Variants in FMO1 observed in about 807,000 individuals in gnomAD.
The protein encoded by FMO1 is flavin containing dimethylaniline monoxygenase 1, also known as flavin-containing monooxygenase 1.
In FMO1, 36 loss-of-function variants were observed where a neutral mutation model predicts 45.4. That is an observed-to-expected ratio of 0.79 (90% CI 0.61 to 1.05). The LOEUF is 1.05. FMO1 is among the 50% of genes least tolerant of loss of function. The pLI is 0.00. For synonymous variants in FMO1, 228 were observed against 227.2 expected, an observed-to-expected ratio of 1.00 and a Z score of -0.03; for missense variants, 615 against 640.3, an observed-to-expected ratio of 0.96 and a Z score of 0.43.
chr1:171,272,877 A>G (rs1442957946), intron 3 of FMO1, among the ~76,000 whole-genome samples: 1 of 152,164 alleles, frequency 6.6e-6, no homozygotes, highest in Non-Finnish European at 1.5e-5. Context: ...TTTTGAGTTA[A>G]TGCTGAAATG....
intron 1 of FMO1, among the ~76,000 whole-genome samples, chr1:171,251,120 TA>T (rs1403552970): frequency 7.9e-5 from 12 of 152,340 alleles, no homozygotes; most frequent in Non-Finnish European, 1.3e-4. Context: ...ATCTTAAAAC[TA>T]ACCTTTGATG....
intron 4 of FMO1, among the ~76,000 whole-genome samples, chr1:171,276,138 T>C (rs1661098052): frequency 6.6e-6 from 1 of 152,206 alleles, no homozygotes; most frequent in Admixed American, 6.5e-5. Flanking sequence ...GTTTGGTTTA[T>C]TTCATCTGTA....
In FMO1 at chr1:171,280,944, C is replaced by T; in HGVS notation, c.786C>T (p.Asn262=). 6.2e-7 allele frequency: 1 copy of T among 1,613,872 alleles called. No individual in the cohort carries two copies. Among genetic ancestry groups the T allele is most frequent in the South Asian group, 1.1e-5 (1 of 91,084 alleles). ...GGTTGATGGAGCGAAAGATAAACAACTGGCTCAATCATGCAAATTACGGCT... is the reference window on the plus strand; with the variant it reads ...GGTTGATGGAGCGAAAGATAAACAATTGGCTCAATCATGCAAATTACGGCT... ...VTWLMERKIN[N]WLNHANYGLI... is the part of the protein sequence containing the mutation. Residue 262 remains asparagine (N), a synonymous_variant, in exon 6 of 9, where the codon AAC becomes AAT. Transcript: ENST00000617670.
At position 171,285,234 on chromosome 1, in the gene FMO1, C is replaced by G; in HGVS notation, c.1289C>G (p.Ser430Ter). Reference protein sequence around the residue: ...FGLCYCKALQSDYITYIDELL... With the variant: ...FGLCYCKALQ The stretch of plus-strand genomic sequence containing the variant: ...TTGTGCTACTGCAAGGCTTTACAAT[C>G]AGATTATATCACATACATAGATGAA... Residue 430 changes from serine to a stop codon, truncating the protein, a stop_gained, in exon 9 of 9, where the codon TCA becomes TGA. Coordinates refer to ENST00000617670, the MANE Select transcript of FMO1 (RefSeq NM_001282693.2). LOFTEE classifies it low-confidence loss of function (END_TRUNC). 2 of 1,609,050 alleles carry G rather than the reference C, an allele frequency of 1.2e-6. No homozygotes were observed. Among genetic ancestry groups the G allele is most frequent in the South Asian group, 2.2e-5 (2 of 89,950 alleles).
chr1:171,257,781 A>C (rs957958226), intron 1 of FMO1: 8 of 379,364 alleles, frequency 2.1e-5, no homozygotes, highest in Non-Finnish European at 1.0e-5. Context: ...GCTCAGTCTG[A>C]AGTGCAAGAC....
At position 171,280,920 on chromosome 1, in the gene FMO1, G is replaced by C; in HGVS notation, c.762G>C (p.Trp254Cys). ...RNSLPTPIVT[W>C]LMERKINNWL... Reference sequence around the variant, plus strand: ...CCCTCCCAACCCCAATTGTGACTTGGTTGATGGAGCGAAAGATAAACAACT... The same window carrying C: ...CCCTCCCAACCCCAATTGTGACTTGCTTGATGGAGCGAAAGATAAACAACT... Residue 254 changes from tryptophan to cysteine, a missense_variant, in exon 6 of 9, where the codon TGG (tryptophan) becomes TGC (cysteine). Coordinates refer to ENST00000617670, the MANE Select transcript of FMO1 (RefSeq NM_001282693.2). The C allele has an allele frequency of 6.2e-7, 1 of 1,613,942 alleles. No homozygotes were observed. Among genetic ancestry groups the C allele is most frequent in the Non-Finnish European group, 8.5e-7 (1 of 1,179,880 alleles).
At chr1:171,279,086 T>C (rs1661246141) in intron 5 of FMO1, among the ~76,000 whole-genome samples, 1 of 143,498 alleles carries the variant, frequency 7.0e-6, no homozygotes, top group South Asian at 2.2e-4. Flanking sequence ...TGACTTCTTT[T>C]TACTTTTTTT....
At chr1:171,282,445 T>TA (rs1661399787) in intron 7 of FMO1, 112 bp downstream of exon 7, 1 of 706,154 alleles carries the variant, frequency 1.4e-6, no homozygotes, top group African/African-American at 1.8e-5. Context: ...ACAGAATCTT[T>TA]AAAAGCAGGA....
At chr1:171,278,279 A>G (rs184570979) in intron 4 of FMO1, among the ~76,000 whole-genome samples, 6 of 152,320 alleles carry the variant, frequency 3.9e-5, no homozygotes, top group Admixed American at 3.9e-4. Flanking sequence ...CTAGCACAGT[A>G]CCAGGCACAA....
intron 2 of FMO1, among the ~76,000 whole-genome samples, chr1:171,266,287 T>C (rs1301319132): frequency 2.0e-5 from 3 of 152,206 alleles, no homozygotes; most frequent in Admixed American, 6.5e-5. Flanking sequence ...ATTATTGCTA[T>C]AAAAGTTTCT....
chr1:171,281,968 T>G lies in FMO1; in HGVS notation c.828-10T>G. ...TGACAAGTCTCCTCCCTGTTCATGT[T>G]TTTGTTTAGGACTCAGCTGAAAGAG... On this transcript the variant is annotated splice_polypyrimidine_tract_variant and intron_variant, in intron 6 of 8. Coordinates refer to ENST00000617670, the MANE Select transcript of FMO1 (RefSeq NM_001282693.2). The G allele has an allele frequency of 6.4e-7, 1 of 1,558,766 alleles. No individual in the cohort carries two copies. Among genetic ancestry groups the G allele is most frequent in the Non-Finnish European group, 8.7e-7 (1 of 1,144,748 alleles).
chr1:171,265,891 G>GT (rs1232779656), intron 2 of FMO1, among the ~76,000 whole-genome samples: 9 of 152,208 alleles, frequency 5.9e-5, no homozygotes, highest in African/African-American at 2.2e-4. Flanking sequence ...GCTCACAGAG[G>GT]TATGTTGATT....
intron 2 of FMO1, among the ~76,000 whole-genome samples, chr1:171,260,408 T>C (rs1010215317): frequency 3.9e-5 from 6 of 151,984 alleles, no homozygotes; most frequent in Admixed American, 3.3e-4. Flanking sequence ...GGAGTGGAAT[T>C]GTAGGTACCA....
chr1:171,281,957 C>T, intron 6 of FMO1, 21 bp from the exon 7 acceptor site: 1 of 1,469,992 alleles, frequency 6.8e-7, no homozygotes, highest in East Asian at 2.3e-5. Flanking sequence ...AAGTCTCCTC[C>T]CTGTTCATGT....
intron 5 of FMO1, 133 bp downstream of exon 5, chr1:171,279,004 T>A: frequency 2.8e-6 from 2 of 706,802 alleles, no homozygotes; most frequent in Non-Finnish European, 4.0e-6. Context: ...CTAAGGAATT[T>A]AATTTTTACT....
intron 2 of FMO1, among the ~76,000 whole-genome samples, chr1:171,265,260 G>A (rs1410702445): frequency 6.6e-6 from 1 of 151,282 alleles, no homozygotes; most frequent in South Asian, 2.1e-4. Flanking sequence ...GCGTGGTGGC[G>A]GGTGCCTGTA....
chr1:171,270,106 T>C (rs1323994103), intron 3 of FMO1, among the ~76,000 whole-genome samples: 2 of 152,212 alleles, frequency 1.3e-5, no homozygotes, highest in African/African-American at 4.8e-5. Flanking sequence ...TAACTGCCAT[T>C]ACATGGTAAT....
intron 5 of FMO1, among the ~76,000 whole-genome samples, 180 bp downstream of exon 5, chr1:171,279,051 A>G (rs1237390330): frequency 6.6e-6 from 1 of 150,908 alleles, no homozygotes; most frequent in African/African-American, 2.4e-5. Flanking sequence ...TGCAGTTGTC[A>G]TCTTCCCTCC....
chr1:171,277,599 C>T (rs1006194024), intron 4 of FMO1, among the ~76,000 whole-genome samples: 1 of 152,130 alleles, frequency 6.6e-6, no homozygotes, highest in African/African-American at 2.4e-5. Context: ...CCCCCCAAAA[C>T]AAAGCCTATC....
Sources: allele counts gnomAD v4.1 joint callset (sites outside exome capture counted in the v4.1 genomes callset), GRCh38; gene constraint gnomAD v4.1.1; transcripts MANE v1.5; gene names NCBI Gene and HGNC (gene_info 2026-07-23, HGNC 2026-07-21).